Variants in MAX observed in about 807,000 individuals in gnomAD.
MAX encodes the protein protein max.
A neutral mutation model predicts 22.3 loss-of-function variants in MAX; 3 were observed. The observed-to-expected ratio is 0.13, with a 90% confidence interval of 0.06 to 0.35. MAX has a LOEUF of 0.35. Ranked by LOEUF, MAX falls within the 10% of genes least tolerant of loss-of-function variation. The pLI, the probability that MAX is intolerant of heterozygous loss-of-function variation, is 1.00. For missense variants in MAX, 119 were observed against 209.4 expected (o/e 0.57, Z 2.66); for synonymous variants, 72 against 77.7 (o/e 0.93, Z 0.39).
Position 65,076,452 on chromosome 14 carries a change from T to G in MAX, c.*24A>C. On this transcript the variant is annotated 3_prime_UTR_variant, in exon 5 of 5. Transcript: ENST00000358664. This position sits in a 1 kb window ranked among gnomAD's most constrained non-coding sequence, Gnocchi z 6.6. Reference sequence around the variant, plus strand: ...TGAGACGATGGAGACAGACAGTTTTTATTGCTGGCCTGCCCCGAGTGGCTT... The same window carrying G: ...TGAGACGATGGAGACAGACAGTTTTGATTGCTGGCCTGCCCCGAGTGGCTT... 6.2e-7 allele frequency: 1 copy of G among 1,612,596 alleles called. No individual in the cohort carries two copies. The highest frequency in any genetic ancestry group is 8.5e-7 in the Non-Finnish European group (1 of 1,180,014).
chr14:65,071,558 T>C (rs1434865645), downstream of MAX, among the ~76,000 whole-genome samples: 1 of 152,260 alleles, frequency 6.6e-6, no homozygotes. The surrounding 1 kb of genome is among the most constrained non-coding windows in gnomAD (Gnocchi z 4.2). Context: ...GAACAATTCA[T>C]GGGCTTCTCA....
chr14:65,018,792 AGAGT>A (rs2061827958), intron 3 of MAX, among the ~76,000 whole-genome samples: 1 of 141,582 alleles, frequency 7.1e-6, no homozygotes, highest in South Asian at 2.3e-4. Context: ...CCTGGAGGAC[AGAGT>A]GAGACTCTGT....
rs1168108186 is a variant in MAX, at chr14:65,032,367, A to G, written c.172-26083T>C. ...TATTTCCTCTGATGTAGATTGGACC[A>G]TGTGGAGGTAGGGAGAATAGAATGT... On this transcript the variant is annotated intron_variant, in intron 3 of 3. Transcript: ENST00000341653. This position sits in a 1 kb window ranked among gnomAD's most constrained non-coding sequence, Gnocchi z 5.0. 2 of 406,638 alleles carry G rather than the reference A, an allele frequency of 4.9e-6. No individual in the cohort carries two copies. The highest frequency in any genetic ancestry group is 8.8e-6 in the Non-Finnish European group (2 of 227,080). 25.2% of individuals were successfully genotyped at this position (406,638 alleles called of 1,614,324 possible). A position where few individuals can be genotyped will look rare whatever the true frequency, so the allele number is the denominator to read the frequency against.
chr14:65,066,861 T>TTA (rs2062935408), intron 3 of MAX, among the ~76,000 whole-genome samples: 1 of 44,806 alleles, frequency 2.2e-5, no homozygotes, highest in Admixed American at 2.0e-4. Flanking sequence ...AAATTCCATC[T>TTA]CAAAAAAAAA....
chr14:65,020,003 G>A (rs1252381523), intron 3 of MAX, among the ~76,000 whole-genome samples: 2 of 152,150 alleles, frequency 1.3e-5, no homozygotes, highest in Non-Finnish European at 2.9e-5. Flanking sequence ...GTGACCTAGA[G>A]TCAAAAAGTC....
chr14:65,093,506 A>G lies in MAX; in HGVS notation c.171+202T>C. 3.3e-6 allele frequency: 2 copies of G among 600,806 alleles called. No homozygotes were observed. The highest frequency in any genetic ancestry group is 6.0e-6 in the Non-Finnish European group (2 of 334,276). 37.2% of individuals were successfully genotyped at this position (600,806 alleles called of 1,614,324 possible). On this transcript the variant is annotated intron_variant, in intron 3 of 4. Transcript: ENST00000358664. The surrounding 1 kb of genome is among the most constrained non-coding windows in gnomAD (Gnocchi z 4.4). ...CTACCATTATCTCACAAATAGCTCC[A>G]TTATATCTGACATATTTTGTTAAGG...
rs749230310 is a variant in MAX at position 65,088,600 on chromosome 14, C to T, written c.171+5108G>A. On this transcript the variant is annotated intron_variant, in intron 3 of 4. Coordinates refer to ENST00000358664, the MANE Select transcript of MAX (RefSeq NM_002382.5). The surrounding 1 kb of genome is among the most constrained non-coding windows in gnomAD (Gnocchi z 5.2). ...TACCGAATGAACTGTCAGCCTTAAA[C>T]GCATCAACAGGAATGAGCCATCTCC... 2.7e-4 allele frequency among the ~76,000 whole-genome samples: 41 copies of T among 152,174 alleles called. No homozygotes were observed. Among genetic ancestry groups the T allele is most frequent in the Admixed American group, 3.3e-4 (5 of 15,276 alleles).
intron 3 of MAX, among the ~76,000 whole-genome samples, chr14:65,089,189 G>C (rs1046812211): frequency 6.6e-6 from 1 of 152,150 alleles, no homozygotes; most frequent in Non-Finnish European, 1.5e-5. Context: ...TTTAATGGCT[G>C]AGCAAGCCTG....
At chr14:65,061,047 G>T in intron 3 of MAX, 1 of 1,422,310 alleles carries the variant, frequency 7.0e-7, no homozygotes, top group South Asian at 1.4e-5. Flanking sequence ...CACCATTTTT[G>T]AACCTTTGGG....
At position 65,032,335 on chromosome 14, in the gene MAX, T is replaced by C. The variant is rs763664541; in HGVS notation, c.172-26051A>G. On this transcript the variant is annotated intron_variant, in intron 3 of 3. Transcript: ENST00000341653. The surrounding 1 kb of genome is among the most constrained non-coding windows in gnomAD (Gnocchi z 5.0). The stretch of plus-strand genomic sequence containing the variant: ...AATCCACTTTTGACATGAATTGATA[T>C]GGCTGTTATTTCCTCTGATGTAGAT... 2.0e-5 allele frequency: 6 copies of C among 304,222 alleles called. No homozygotes were observed. Among genetic ancestry groups the C allele is most frequent in the South Asian group, 7.9e-5 (1 of 12,664 alleles). The allele number at this position is 304,222 out of a possible 1,614,324, so 18.8% of individuals were successfully genotyped here.
At chr14:65,016,998 C>T (rs1051779702) in intron 3 of MAX, among the ~76,000 whole-genome samples, 5 of 146,950 alleles carry the variant, frequency 3.4e-5, no homozygotes, top group South Asian at 2.2e-4. Context: ...TCTCAGCTCA[C>T]TGCTGCCTCT....
intron 3 of MAX, among the ~76,000 whole-genome samples, chr14:65,081,644 C>G (rs988405322): frequency 1.3e-5 from 2 of 152,170 alleles, no homozygotes; most frequent in Non-Finnish European, 2.9e-5. Context: ...TCAGATAGAA[C>G]TTGGTAAGTC....
chr14:65,060,617 A>T (rs1463587121), intron 3 of MAX, among the ~76,000 whole-genome samples: 1 of 120,148 alleles, frequency 8.3e-6, no homozygotes, highest in Non-Finnish European at 1.6e-5. Flanking sequence ...AATGGCGTGA[A>T]CCCGGGAGGC....
At position 65,061,244 on chromosome 14, in the gene MAX, C is replaced by G. The variant is rs369004788; in HGVS notation, c.171+32464G>C. The G allele has an allele frequency of 3.7e-6, 6 of 1,614,188 alleles. No individual in the cohort carries two copies. The African/African-American group carries it at 5.3e-5, about 14-fold the overall frequency. ...GGTGATCCAGGCCACTACATACTTT[C>G]TACAGAAGCCAGTCCCAGGTTTTGA... On this transcript the variant is annotated intron_variant, in intron 3 of 3. Transcript: ENST00000341653.
rs2061608281 is a variant in MAX, at chr14:65,007,181, G to A, written c.172-897C>T. Among the ~76,000 whole-genome samples, 2 of 152,158 alleles carry A rather than the reference G, an allele frequency of 1.3e-5. No individual in the cohort carries two copies. Among genetic ancestry groups the A allele is most frequent in the South Asian group, 4.1e-4 (2 of 4,830 alleles). ...GGCAAACATCACCATCATAGAATAA[G>A]CGAGGATATAAGAATAAATTAGAAA... On this transcript the variant is annotated intron_variant, in intron 3 of 3. Transcript: ENST00000341653. The surrounding 1 kb of genome is among the most constrained non-coding windows in gnomAD (Gnocchi z 4.9).
intron 3 of MAX, among the ~76,000 whole-genome samples, chr14:65,087,328 T>C (rs1413671396): frequency 2.0e-5 from 3 of 152,148 alleles, no homozygotes; most frequent in Non-Finnish European, 1.5e-5. Flanking sequence ...GACCCCAGAA[T>C]GGTAGATCCA....
rs558818105 is a variant in MAX at position 65,031,515 on chromosome 14, G to A, written c.172-25231C>T. ...GTGTTTTTAGTGGAGACGGGGTTTC[G>A]CAATATTGGTCAGGTTGGTCTTGAA... On this transcript the variant is annotated intron_variant, in intron 3 of 3. Coordinates refer to the MAX transcript ENST00000341653. The surrounding 1 kb of genome is among the most constrained non-coding windows in gnomAD (Gnocchi z 4.6). Among the ~76,000 whole-genome samples, 44 of 151,676 alleles carry A rather than the reference G, an allele frequency of 2.9e-4. 2 individuals carry two copies. The South Asian group carries it at 4.4e-3, about 15-fold the overall frequency.
At chr14:65,059,474 G>C (rs1490915936) in intron 3 of MAX, among the ~76,000 whole-genome samples, 3 of 152,208 alleles carry the variant, frequency 2.0e-5, no homozygotes, top group Non-Finnish European at 4.4e-5. Context: ...AGCAATTGTT[G>C]TTACTAATTT....
intron 3 of MAX, among the ~76,000 whole-genome samples, chr14:65,089,271 T>C (rs940099507): frequency 6.6e-6 from 1 of 152,186 alleles, no homozygotes; most frequent in Non-Finnish European, 1.5e-5. Flanking sequence ...GAATCTGTGA[T>C]AGGAACTGAC....
Sources: allele counts gnomAD v4.1 joint callset (sites outside exome capture counted in the v4.1 genomes callset), GRCh38; gene constraint gnomAD v4.1.1; non-coding constraint Gnocchi (gnomAD v3.1); transcripts MANE v1.5; gene names NCBI Gene and HGNC (gene_info 2026-07-23, HGNC 2026-07-21).